OSBPL10: variants seen among roughly 807,000 people sequenced by gnomAD.
OSBPL10 encodes the protein oxysterol-binding protein-related protein 10.
A neutral mutation model predicts 81.7 loss-of-function variants in OSBPL10; 49 were observed. The ratio of observed to expected loss-of-function variants is 0.60; its 90% CI spans 0.48 to 0.76. The LOEUF (loss-of-function observed/expected upper bound fraction) is 0.76. Among genes scored for constraint, OSBPL10 ranks in the 30% least tolerant of loss-of-function variants. OSBPL10 has a pLI of 0.00. For synonymous variants in OSBPL10, 419 were observed against 383.6 expected (o/e 1.09, Z -1.08); for missense variants, 923 against 987.8 (o/e 0.93, Z 0.88).
At chr3:31,765,209 T>G (rs993000303) in intron 4 of OSBPL10, among the ~76,000 whole-genome samples, 1 of 146,428 alleles carries the variant, frequency 6.8e-6, no homozygotes. Context: ...TTTGTTTTTG[T>G]TTTTTTTTTG....
At chr3:31,680,653 A>G (rs892289026) in intron 8 of OSBPL10, among the ~76,000 whole-genome samples, 3 of 152,214 alleles carry the variant, frequency 2.0e-5, no homozygotes, top group Non-Finnish European at 4.4e-5. Flanking sequence ...GTAAATAGGT[A>G]AGGATGGATG....
At chr3:31,748,238 C>G (rs117634340) in intron 4 of OSBPL10, 118 bp from the exon 5 acceptor site, 7 of 853,722 alleles carry the variant, frequency 8.2e-6, no homozygotes, top group Non-Finnish European at 1.3e-5. Flanking sequence ...TCAGCGTGTT[C>G]GGTGCACATT....
chr3:31,782,319 A>G (rs917877451), intron 4 of OSBPL10, among the ~76,000 whole-genome samples: 6 of 152,212 alleles, frequency 3.9e-5, no homozygotes, highest in Non-Finnish European at 2.9e-5. Flanking sequence ...TATAAGACCT[A>G]AAACCATACA....
At chr3:32,073,862 A>ATGATCTTT (rs981236637) in intron 1 of OSBPL10, among the ~76,000 whole-genome samples, 1 of 152,098 alleles carries the variant, frequency 6.6e-6, no homozygotes, top group African/African-American at 2.4e-5. Context: ...GAGTGGATAG[A>ATGATCTTT]TGATCTTTTC....
chr3:31,684,377 A>C (rs543141556), intron 7 of OSBPL10, among the ~76,000 whole-genome samples: 8 of 152,280 alleles, frequency 5.3e-5, no homozygotes, highest in African/African-American at 1.7e-4. Context: ...GGCTAACACA[A>C]TAGTCTCTGT....
chr3:31,807,187 C>T (rs1699540692), intron 4 of OSBPL10, among the ~76,000 whole-genome samples: 1 of 151,220 alleles, frequency 6.6e-6, no homozygotes, highest in South Asian at 2.1e-4. Flanking sequence ...TTAGACCAGC[C>T]TGGTCAACAT....
intron 2 of OSBPL10, among the ~76,000 whole-genome samples, chr3:32,043,051 T>C: frequency 6.6e-6 from 1 of 151,882 alleles, no homozygotes. Flanking sequence ...TGGGGCGGGT[T>C]TTTTCCCCAC....
chr3:31,983,879 G>C (rs914249736), upstream of OSBPL10, among the ~76,000 whole-genome samples: 2 of 152,208 alleles, frequency 1.3e-5, no homozygotes, highest in Non-Finnish European at 2.9e-5. Context: ...ATGCCCAACA[G>C]TTTCATCTTG....
chr3:32,023,755 A>G (rs749366493), intron 2 of OSBPL10, among the ~76,000 whole-genome samples: 10 of 152,234 alleles, frequency 6.6e-5, no homozygotes, highest in Non-Finnish European at 1.2e-4. Flanking sequence ...ATATATTCCA[A>G]GACCCCTCAG....
At chr3:31,743,511 T>C (rs1208267584) in intron 5 of OSBPL10, among the ~76,000 whole-genome samples, 3 of 152,194 alleles carry the variant, frequency 2.0e-5, no homozygotes, top group African/African-American at 7.2e-5. Flanking sequence ...GTCTGGCTGC[T>C]CAATGTGTTT....
intron 3 of OSBPL10, among the ~76,000 whole-genome samples, chr3:31,861,413 T>C (rs4428222): frequency 0.38 from 58,021 of 152,040 alleles, 12,099 homozygotes; most frequent in African/African-American, 0.56. Flanking sequence ...CAGTTATTTG[T>C]ATTGTTTACA....
At chr3:31,831,694 AT>A (rs368051654) in intron 3 of OSBPL10, among the ~76,000 whole-genome samples, 4 of 152,356 alleles carry the variant, frequency 2.6e-5, no homozygotes, top group African/African-American at 9.6e-5. Context: ...TTAGATAACC[AT>A]CTTTCACTCA....
At chr3:31,705,801 CAG>C (rs1696046206) in intron 6 of OSBPL10, among the ~76,000 whole-genome samples, 1 of 152,158 alleles carries the variant, frequency 6.6e-6, no homozygotes, top group Admixed American at 6.5e-5. Context: ...ACTTATAAAA[CAG>C]TAACAACTCT....
chr3:31,675,004 C>T (rs922696345), intron 8 of OSBPL10, among the ~76,000 whole-genome samples: 6 of 152,188 alleles, frequency 3.9e-5, no homozygotes, highest in African/African-American at 1.4e-4. Flanking sequence ...GATATTTTCA[C>T]CTTCAGATGG....
chr3:31,849,999 T>C (rs1009502234), intron 3 of OSBPL10, among the ~76,000 whole-genome samples: 1 of 152,240 alleles, frequency 6.6e-6, no homozygotes, highest in African/African-American at 2.4e-5. Context: ...ACCCCATCTC[T>C]ACTAAAAATT....
At chr3:31,800,366 G>C (rs1699348851) in intron 4 of OSBPL10, among the ~76,000 whole-genome samples, 1 of 152,206 alleles carries the variant, frequency 6.6e-6, no homozygotes, top group African/African-American at 2.4e-5. Context: ...CCATCTCTGG[G>C]AGAACAGAGA....
intron 4 of OSBPL10, 77 bp downstream of exon 4, chr3:31,829,938 TCCATAAATCAAGACGGCGCAAAGGA>T: frequency 8.2e-7 from 1 of 1,213,196 alleles, no homozygotes; most frequent in Non-Finnish European, 1.1e-6. Context: ...TGGTCCTCTC[TCCATAAATCAAGACGGCGCAAAGGA>T]AGAGGAGTCG....
chr3:31,761,820 A>AAAAACAAAC (rs1553622717), intron 4 of OSBPL10, among the ~76,000 whole-genome samples: 2 of 149,672 alleles, frequency 1.3e-5, no homozygotes, highest in African/African-American at 5.1e-5. Context: ...CTCTAAAAAA[A>AAAAACAAAC]AAAAAAAAAA....
chr3:31,683,191 A>T (rs1395653515), intron 8 of OSBPL10, among the ~76,000 whole-genome samples: 1 of 152,206 alleles, frequency 6.6e-6, no homozygotes, highest in African/African-American at 2.4e-5. Flanking sequence ...GAGTCAAAAG[A>T]TTTGTTTTGG....
Sources: allele counts gnomAD v4.1 joint callset (sites outside exome capture counted in the v4.1 genomes callset), GRCh38; gene constraint gnomAD v4.1.1; transcripts MANE v1.5; gene names NCBI Gene and HGNC (gene_info 2026-07-23, HGNC 2026-07-21).